ASZ1: variants seen among roughly 807,000 people sequenced by gnomAD.
ASZ1 encodes ankyrin repeat, SAM and basic leucine zipper domain-containing protein 1.
Under a neutral mutation model 61.8 loss-of-function variants are expected in ASZ1, and 67 were observed. The observed-to-expected ratio is 1.08, with a 90% CI of 0.89 to 1.33. The LOEUF (loss-of-function observed/expected upper bound fraction) is 1.33. ASZ1 is among the 40% of genes most tolerant of loss of function. The probability of loss-of-function intolerance (pLI) is 0.00; values close to 1 mark genes in which losing one functional copy is unlikely to be tolerated. For synonymous variants in ASZ1, 193 were observed against 192.7 expected (o/e 1.00, Z -0.01); for missense variants, 577 against 554.5 (o/e 1.04, Z -0.41).
At chr7:117,408,128 C>T (rs1296398162) in intron 4 of ASZ1, among the ~76,000 whole-genome samples, 36 of 152,102 alleles carry the variant, frequency 2.4e-4, no homozygotes, top group Admixed American at 2.4e-3. Context: ...AATCTCCAGT[C>T]TCTCTCCTCT....
intron 4 of ASZ1, among the ~76,000 whole-genome samples, chr7:117,392,440 AT>A (rs557560000): frequency 2.6e-4 from 40 of 151,674 alleles, no homozygotes; most frequent in Non-Finnish European, 5.2e-4. Flanking sequence ...TAATTATTTC[AT>A]TTTTTGCAGT....
chr7:117,424,865 A>G (rs567647402), intron 2 of ASZ1, among the ~76,000 whole-genome samples: 1 of 152,278 alleles, frequency 6.6e-6, no homozygotes, highest in South Asian at 2.1e-4. Context: ...CTCATTTCTT[A>G]TAAGAATAAC....
chr7:117,381,717 T>C (rs966974677), intron 8 of ASZ1, among the ~76,000 whole-genome samples: 6 of 152,106 alleles, frequency 3.9e-5, no homozygotes, highest in Admixed American at 3.9e-4. Flanking sequence ...TTTCAGTGAT[T>C]AAACATTAGA....
chr7:117,411,892 A>G (rs1796896343), intron 4 of ASZ1, among the ~76,000 whole-genome samples: 1 of 151,850 alleles, frequency 6.6e-6, no homozygotes, highest in Non-Finnish European at 1.5e-5. Context: ...AATAAGAATA[A>G]AATTTATAAA....
rs535421554 is a variant in ASZ1 at position 117,363,451 on chromosome 7, A to T, written c.*145T>A. 7.0e-4 allele frequency: 410 copies of T among 586,144 alleles called. 1 individual carries two copies. The highest frequency in any genetic ancestry group is 1.1e-3 in the African/African-American group (59 of 51,756). The allele number at this position is 586,144 out of a possible 1,614,324, so 36.3% of individuals were successfully genotyped here. On this transcript the variant is annotated 3_prime_UTR_variant, in exon 13 of 13. Coordinates refer to ENST00000284629, the MANE Select transcript of ASZ1 (RefSeq NM_130768.3). ...AAGTCAAAGTAACAAACCACTTTTT[A>T]AAAAAAAACTCCACATTGTCAAAAT...
At chr7:117,425,592 T>A (rs1376247094) in intron 2 of ASZ1, among the ~76,000 whole-genome samples, 4 of 151,846 alleles carry the variant, frequency 2.6e-5, no homozygotes, top group African/African-American at 9.7e-5. Flanking sequence ...TTATAATCAA[T>A]AATTTACATT....
chr7:117,377,035 A>G (rs943749524), intron 10 of ASZ1, among the ~76,000 whole-genome samples: 7 of 152,174 alleles, frequency 4.6e-5, no homozygotes, highest in Non-Finnish European at 1.0e-4. Context: ...CAAACAATCT[A>G]CAAAAAGCCT....
At position 117,368,376 on chromosome 7, in the gene ASZ1, GTTTAAT is replaced by G. The variant is rs150042953; in HGVS notation, c.1161+230_1161+235del. ...CATGGTAAATTCAATACACGGATCA[GTTTAAT>G]TTTTGGTCTGACTCATTTTCTTTTT... On this transcript the variant is annotated intron_variant, in intron 11 of 12. Transcript: ENST00000284629. The G allele has an allele frequency of 0.013, 16,059 of 1,190,090 alleles. 1,719 individuals are homozygous for G. In the African/African-American group the frequency reaches 0.23, roughly 17 times the overall value. 73.7% of individuals were successfully genotyped at this position (1,190,090 alleles called of 1,614,324 possible).
intron 10 of ASZ1, among the ~76,000 whole-genome samples, chr7:117,377,763 T>C (rs993675505): frequency 2.0e-5 from 3 of 151,870 alleles, no homozygotes; most frequent in African/African-American, 7.3e-5. Flanking sequence ...AAGAACAAAA[T>C]GGGAGGAATC....
chr7:117,381,293 T>G (rs569910762), intron 8 of ASZ1, among the ~76,000 whole-genome samples: 3 of 152,050 alleles, frequency 2.0e-5, no homozygotes, highest in Non-Finnish European at 4.4e-5. Context: ...TTTTCCAGAT[T>G]CAAATGATTA....
At chr7:117,417,044 T>C (rs1018169811) in intron 4 of ASZ1, among the ~76,000 whole-genome samples, 1 of 152,194 alleles carries the variant, frequency 6.6e-6, no homozygotes, top group African/African-American at 2.4e-5. Flanking sequence ...TCCTGTCTTA[T>C]GAGGTATTTC....
chr7:117,410,888 C>A (rs1448271490), intron 4 of ASZ1, among the ~76,000 whole-genome samples: 1 of 151,574 alleles, frequency 6.6e-6, no homozygotes. Flanking sequence ...ATTACATCTA[C>A]TTTATTTTTG....
chr7:117,407,904 G>A (rs1367404268), intron 4 of ASZ1, among the ~76,000 whole-genome samples: 2 of 152,076 alleles, frequency 1.3e-5, no homozygotes, highest in African/African-American at 2.4e-5. Context: ...GATGACGAAC[G>A]GGCAGTTAGT....
At chr7:117,366,752 A>G (rs1050906240) in intron 12 of ASZ1, among the ~76,000 whole-genome samples, 11 of 152,148 alleles carry the variant, frequency 7.2e-5, no homozygotes. Context: ...AGTCTGGACA[A>G]TTACAGGGGT....
chr7:117,370,807 TG>T (rs1796036007), intron 10 of ASZ1, among the ~76,000 whole-genome samples: 1 of 109,608 alleles, frequency 9.1e-6, no homozygotes, highest in African/African-American at 3.9e-5. Context: ...AAGGTAATTG[TG>T]TGTGTGTGTG....
chr7:117,380,407 G>C (rs982866662), intron 9 of ASZ1, among the ~76,000 whole-genome samples: 1 of 151,374 alleles, frequency 6.6e-6, no homozygotes, highest in African/African-American at 2.4e-5. Context: ...TGAGAATTAG[G>C]CCCTATCTTT....
In ASZ1 at chr7:117,427,449, G is replaced by T. The variant is rs763372223; in HGVS notation, c.12C>A (p.Ser4Arg). The change falls in exon 1 of 13, where the codon AGC becomes AGA. Residue 4 changes from serine (S) to arginine (R), a missense_variant. Coordinates refer to ENST00000284629, the MANE Select transcript of ASZ1 (RefSeq NM_130768.3). ...CAGCCACTGGCAGGCCTCGCAGCGCGCTCGCCGCCATGCCAGCCAAGGAAG... is the reference window on the plus strand; with the variant it reads ...CAGCCACTGGCAGGCCTCGCAGCGCTCTCGCCGCCATGCCAGCCAAGGAAG... MAA[S>R]ALRGLPVAGG... 4.3e-6 allele frequency: 7 copies of T among 1,613,626 alleles called. No individual in the cohort carries two copies. Among genetic ancestry groups the T allele is most frequent in the Non-Finnish European group, 5.9e-6 (7 of 1,179,902 alleles).
intron 4 of ASZ1, among the ~76,000 whole-genome samples, chr7:117,397,601 T>G (rs1435347393): frequency 6.6e-6 from 1 of 152,208 alleles, no homozygotes; most frequent in African/African-American, 2.4e-5. Context: ...GGCTGGAGAA[T>G]AGGGTCTGAA....
chr7:117,382,451 G>T (rs1796273289), intron 7 of ASZ1, among the ~76,000 whole-genome samples: 1 of 151,968 alleles, frequency 6.6e-6, no homozygotes, highest in African/African-American at 2.4e-5. Context: ...CCAGCTACTT[G>T]GGAGGCTGTG....
Sources: gnomAD v4.1 joint callset for allele counts (sites outside exome capture counted in the v4.1 genomes callset) on GRCh38, gnomAD v4.1.1 for gene constraint, MANE v1.5 for transcripts, NCBI Gene and HGNC (gene_info 2026-07-23, HGNC 2026-07-21) for gene names.